TMEM232: variants seen among roughly 807,000 people sequenced by gnomAD.
TMEM232 encodes the protein transmembrane protein 232.
In TMEM232, 80 loss-of-function variants were observed where a neutral mutation model predicts 78.8. The observed-to-expected ratio is 1.01, with a 90% CI of 0.85 to 1.22. TMEM232 has a LOEUF of 1.22. Among genes scored for constraint, TMEM232 ranks in the 50% most tolerant of loss-of-function variants. The pLI, the probability that TMEM232 is intolerant of heterozygous loss-of-function variation, is 0.00. For synonymous variants in TMEM232, 297 were observed against 254.3 expected (o/e 1.17, Z -1.60); for missense variants, 881 against 742.2 (o/e 1.19, Z -2.17).
intron 1 of TMEM232, among the ~76,000 whole-genome samples, chr5:110,735,474 A>G (rs1218226655): frequency 2.0e-5 from 3 of 152,194 alleles, no homozygotes; most frequent in Admixed American, 2.0e-4. Flanking sequence ...TGGGCTAAAA[A>G]TTTCCTTATT....
intron 12 of TMEM232, among the ~76,000 whole-genome samples, chr5:110,509,987 G>C (rs1032003398): frequency 9.9e-5 from 15 of 151,776 alleles, no homozygotes; most frequent in African/African-American, 3.4e-4. Context: ...CTAACTCTCT[G>C]GCTGTTCCTA....
At chr5:110,732,253 A>G (rs1383700641) in intron 2 of TMEM232, among the ~76,000 whole-genome samples, 3 of 152,284 alleles carry the variant, frequency 2.0e-5, no homozygotes, top group East Asian at 3.9e-4. Context: ...AAACTTTCCC[A>G]TATTTTCCTG....
rs76911819 is a variant in TMEM232 at position 110,686,619 on chromosome 5, T to C, written c.-12-19255A>G. 2.4e-4 allele frequency among the ~76,000 whole-genome samples: 36 copies of C among 152,220 alleles called. No homozygotes were observed. In the South Asian group the frequency reaches 5.8e-3, roughly 25 times the overall value. ...AAGTTATAGATAACCAGAACCCTTATTGAGTTGTATGAACACTTGTACATT... is the reference window on the plus strand; with the variant it reads ...AAGTTATAGATAACCAGAACCCTTACTGAGTTGTATGAACACTTGTACATT... On this transcript the variant is annotated intron_variant, in intron 1 of 13. Coordinates refer to ENST00000455884, the MANE Select transcript of TMEM232 (RefSeq NM_001039763.4).
At chr5:110,503,409 AG>A (rs1406880521) in intron 12 of TMEM232, among the ~76,000 whole-genome samples, 2 of 152,164 alleles carry the variant, frequency 1.3e-5, no homozygotes, top group Non-Finnish European at 2.9e-5. Context: ...GGTGAGAGGA[AG>A]GGAGATGAGT....
chr5:110,528,557 G>T, intron 12 of TMEM232, 31 bp downstream of exon 12: 4 of 1,493,680 alleles, frequency 2.7e-6, no homozygotes, highest in Non-Finnish European at 3.5e-6. Flanking sequence ...TAATGTATTA[G>T]AACAATAAAA....
At chr5:110,512,765 A>C (rs1197632166) in intron 12 of TMEM232, among the ~76,000 whole-genome samples, 1 of 152,204 alleles carries the variant, frequency 6.6e-6, no homozygotes, top group Non-Finnish European at 1.5e-5. Flanking sequence ...AACAAAACAC[A>C]AAACAAAAAC....
intron 12 of TMEM232, among the ~76,000 whole-genome samples, chr5:110,500,939 C>T (rs535258645): frequency 1.3e-5 from 2 of 152,112 alleles, no homozygotes; most frequent in Non-Finnish European, 2.9e-5. Flanking sequence ...AAGCTTTGAC[C>T]ACCTTTCTAT....
At chr5:110,469,703 C>G (rs1762463414) in intron 12 of TMEM232, among the ~76,000 whole-genome samples, 1 of 152,200 alleles carries the variant, frequency 6.6e-6, no homozygotes, top group South Asian at 2.1e-4. Context: ...CCACCCAGAG[C>G]TGTCAATCCC....
intron 12 of TMEM232, among the ~76,000 whole-genome samples, chr5:110,497,484 CAAAT>C (rs1343377267): frequency 1.3e-5 from 2 of 151,968 alleles, no homozygotes; most frequent in East Asian, 1.9e-4. Context: ...AACAAACAAA[CAAAT>C]AAAGACAGGG....
intron 3 of TMEM232, among the ~76,000 whole-genome samples, chr5:110,392,611 T>G (rs1027114523): frequency 1.3e-5 from 2 of 152,194 alleles, no homozygotes; most frequent in Middle Eastern, 3.2e-3. Context: ...CGTCACATGA[T>G]GGAGAGAGAA....
chr5:110,648,124 A>G (rs1787774070), intron 2 of TMEM232, among the ~76,000 whole-genome samples: 1 of 152,032 alleles, frequency 6.6e-6, no homozygotes, highest in Admixed American at 6.6e-5. Context: ...GTCACAAAGG[A>G]AGAAATCCAA....
intron 2 of TMEM232, among the ~76,000 whole-genome samples, chr5:110,645,031 A>T (rs1477138296): frequency 6.6e-6 from 1 of 151,616 alleles, no homozygotes; most frequent in Non-Finnish European, 1.5e-5. Context: ...AACTGAATCA[A>T]GATGAAATAG....
At chr5:110,625,675 G>A in intron 6 of TMEM232, 1 of 232,904 alleles carries the variant, frequency 4.3e-6, no homozygotes. Flanking sequence ...ATCATTGAAT[G>A]CCCAATTAAA....
intron 11 of TMEM232, among the ~76,000 whole-genome samples, chr5:110,540,675 T>A (rs192152518): frequency 4.0e-4 from 61 of 152,324 alleles, no homozygotes; most frequent in Admixed American, 2.9e-3. Context: ...TAAATCGTAG[T>A]ACAATTGAAG....
At chr5:110,622,197 A>G in intron 7 of TMEM232, among the ~76,000 whole-genome samples, 1 of 152,184 alleles carries the variant, frequency 6.6e-6, no homozygotes, top group East Asian at 1.9e-4. Flanking sequence ...AACCATTTAC[A>G]ATTACAGGAC....
chr5:110,490,517 A>G (rs55806617), intron 12 of TMEM232, among the ~76,000 whole-genome samples: 2,861 of 152,248 alleles, frequency 0.019, 102 homozygotes, highest in African/African-American at 0.066. Context: ...GTTGATTCTA[A>G]TATCATATGG....
chr5:110,658,271 TTATGA>T (rs1409482508), intron 2 of TMEM232, among the ~76,000 whole-genome samples: 22 of 152,296 alleles, frequency 1.4e-4, no homozygotes, highest in African/African-American at 5.3e-4. Context: ...TCCAAAGGCT[TTATGA>T]TATGAAACCA....
At chr5:110,553,076 T>C (rs1327784169) in intron 11 of TMEM232, among the ~76,000 whole-genome samples, 1 of 152,162 alleles carries the variant, frequency 6.6e-6, no homozygotes, top group Non-Finnish European at 1.5e-5. Flanking sequence ...AGGTTCTCTA[T>C]CTTGTTCCAT....
chr5:110,692,686 T>C (rs1794278271), intron 1 of TMEM232, among the ~76,000 whole-genome samples: 1 of 152,194 alleles, frequency 6.6e-6, no homozygotes, highest in Non-Finnish European at 1.5e-5. Context: ...CTTACACCCA[T>C]GGAGCATCGC....
Sources: allele counts gnomAD v4.1 joint callset (sites outside exome capture counted in the v4.1 genomes callset), GRCh38; gene constraint gnomAD v4.1.1; transcripts MANE v1.5; gene names NCBI Gene and HGNC (gene_info 2026-07-23, HGNC 2026-07-21).